The following BAZ2B variants were observed in gnomAD, a reference collection of about 807,000 sequenced individuals.
The protein encoded by BAZ2B is bromodomain adjacent to zinc finger domain 2B.
In BAZ2B, 91 loss-of-function variants were observed where a neutral mutation model predicts 246.0. That is an observed-to-expected ratio of 0.37 (90% CI 0.31 to 0.44). The LOEUF is 0.44. BAZ2B is among the 20% of genes least tolerant of loss of function. The probability of loss-of-function intolerance (pLI) is 1.00; values close to 1 mark genes in which losing one functional copy is unlikely to be tolerated. For synonymous variants in BAZ2B, 855 were observed against 860.0 expected, an observed-to-expected ratio of 0.99 and a Z score of 0.10; for missense variants, 2,332 against 2,533.7, an observed-to-expected ratio of 0.92 and a Z score of 1.71.
chr2:159,398,768 CAGTATAACATAT>C, intron 18 of BAZ2B, 49 bp downstream of exon 18: 1 of 1,443,566 alleles, frequency 6.9e-7, no homozygotes, highest in Non-Finnish European at 9.5e-7. Flanking sequence ...TAACTGATGC[CAGTATAACATAT>C]AGTTTTTATT....
At chr2:159,689,177 A>G in the BAZ2B span, 2 of 427,712 alleles carry the variant, frequency 4.7e-6, no homozygotes, top group Non-Finnish European at 4.3e-6. Context: ...TTTCTCACAA[A>G]TAGGACTTTT....
intron 6 of BAZ2B, among the ~76,000 whole-genome samples, chr2:159,442,462 G>A (rs1209247452): frequency 1.3e-5 from 2 of 152,058 alleles, no homozygotes; most frequent in African/African-American, 2.4e-5. Context: ...ACTAGTGGAG[G>A]GAGTGATGAC....
the BAZ2B span, among the ~76,000 whole-genome samples, chr2:159,667,659 C>T: frequency 6.6e-6 from 1 of 151,566 alleles, no homozygotes; most frequent in Admixed American, 6.6e-5. Flanking sequence ...TCTCCATTCC[C>T]TCACTAAATT....
intron 1 of BAZ2B, among the ~76,000 whole-genome samples, chr2:159,583,705 A>C (rs1433159156): frequency 1.3e-5 from 2 of 152,222 alleles, no homozygotes; most frequent in Non-Finnish European, 2.9e-5. Context: ...CAAAAATATA[A>C]ATAAAAAAAC....
chr2:159,390,774 C>A (rs374413985), intron 20 of BAZ2B, among the ~76,000 whole-genome samples: 2 of 152,182 alleles, frequency 1.3e-5, no homozygotes, highest in Non-Finnish European at 2.9e-5. Context: ...ATCCTAAGGG[C>A]CTTTTTATAT....
At chr2:159,318,466 C>A (rs1292464591), downstream of BAZ2B, among the ~76,000 whole-genome samples, 1 of 152,184 alleles carries the variant, frequency 6.6e-6, no homozygotes, top group Non-Finnish European at 1.5e-5. Context: ...TATATTCTCT[C>A]TTCATGATAA....
chr2:159,663,539 G>C, the BAZ2B span, among the ~76,000 whole-genome samples: 1 of 147,716 alleles, frequency 6.8e-6, no homozygotes, highest in Non-Finnish European at 1.5e-5. Context: ...TTTTGAGATG[G>C]AGTCACACTC....
intron 3 of BAZ2B, among the ~76,000 whole-genome samples, chr2:159,478,283 T>G (rs892470487): frequency 6.6e-6 from 1 of 152,188 alleles, no homozygotes. Flanking sequence ...TTCTATTTCT[T>G]TCCCTCTTGG....
chr2:159,354,289 G>A (rs1486981631), intron 27 of BAZ2B, among the ~76,000 whole-genome samples: 2 of 151,948 alleles, frequency 1.3e-5, no homozygotes, highest in Non-Finnish European at 2.9e-5. Context: ...CAAAAGTCAT[G>A]GCTATCTTTG....
At chr2:159,423,752 G>C (rs2069221845) in intron 13 of BAZ2B, among the ~76,000 whole-genome samples, 1 of 152,252 alleles carries the variant, frequency 6.6e-6, no homozygotes, top group African/African-American at 2.4e-5. Flanking sequence ...ACCTAAGTGA[G>C]ATAATGCAGG....
At chr2:159,582,043 A>G (rs1041185823) in intron 1 of BAZ2B, among the ~76,000 whole-genome samples, 1 of 130,900 alleles carries the variant, frequency 7.6e-6, no homozygotes, top group Non-Finnish European at 1.6e-5. Context: ...CGTTGTGCAC[A>G]TGTACCCTAG....
At chr2:159,621,326 G>T (rs995357660), upstream of BAZ2B, among the ~76,000 whole-genome samples, 1 of 152,106 alleles carries the variant, frequency 6.6e-6, no homozygotes, top group African/African-American at 2.4e-5. Flanking sequence ...ATGTCTGGGT[G>T]GGGGGTCAAG....
At chr2:159,332,473 A>T in intron 34 of BAZ2B, 67 bp downstream of exon 34, 1 of 1,465,480 alleles carries the variant, frequency 6.8e-7, no homozygotes, top group Non-Finnish European at 9.2e-7. Flanking sequence ...GGCAACTGAG[A>T]CCATGTATTA....
At chr2:159,662,580 A>G in the BAZ2B span, among the ~76,000 whole-genome samples, 2 of 152,160 alleles carry the variant, frequency 1.3e-5, no homozygotes, top group African/African-American at 2.4e-5. Context: ...GCTGGAGTGC[A>G]ATGGCGTGAT....
intron 2 of BAZ2B, among the ~76,000 whole-genome samples, chr2:159,502,493 G>A (rs1425676936): frequency 6.6e-6 from 1 of 150,776 alleles, no homozygotes; most frequent in Non-Finnish European, 1.5e-5. Context: ...AATTAGCCAA[G>A]CATGGTGGCA....
In BAZ2B at chr2:159,348,632, C is replaced by T. The variant is rs763906292; in HGVS notation, c.5293+46G>A. 2.6e-6 allele frequency: 4 copies of T among 1,546,510 alleles called. No individual in the cohort carries two copies. The African/African-American group carries it at 4.2e-5, about 16-fold the overall frequency. On this transcript the variant is annotated intron_variant, in intron 30 of 36. Coordinates refer to ENST00000392783, the MANE Select transcript of BAZ2B (RefSeq NM_013450.4). ...AATATGGTTTAGAATAATTAATTCT[C>T]ATAACTAAGCAAGAAAGAAAGCTGA...
the BAZ2B span, among the ~76,000 whole-genome samples, chr2:159,668,162 C>T: frequency 1.3e-5 from 2 of 151,978 alleles, no homozygotes; most frequent in African/African-American, 2.4e-5. Context: ...CAATTGTTTG[C>T]TACTAGTATA....
chr2:159,596,772 G>A (rs1690823600), intron 1 of BAZ2B, among the ~76,000 whole-genome samples: 1 of 152,190 alleles, frequency 6.6e-6, no homozygotes, highest in African/African-American at 2.4e-5. Context: ...ACTTATGAGT[G>A]AGAACATACG....
chr2:159,690,023 T>C, the BAZ2B span: 6 of 414,958 alleles, frequency 1.4e-5, no homozygotes, highest in East Asian at 1.8e-4. Flanking sequence ...ATCCATGACA[T>C]GGAAGTTGGG....
Sources: gnomAD v4.1 joint callset for allele counts (sites outside exome capture counted in the v4.1 genomes callset) on GRCh38, gnomAD v4.1.1 for gene constraint, MANE v1.5 for transcripts, NCBI Gene and HGNC (gene_info 2026-07-23, HGNC 2026-07-21) for gene names.